The following TGFBR3 variants were observed in gnomAD, a reference collection of about 807,000 sequenced individuals.
TGFBR3 encodes transforming growth factor beta receptor 3.
TGFBR3 carries 46 observed loss-of-function variants against 87.9 expected under a neutral mutation model. That is an observed-to-expected ratio of 0.52 (90% confidence interval 0.41 to 0.67). The LOEUF (loss-of-function observed/expected upper bound fraction) is 0.67, where lower values mean the gene tolerates loss of function less well. Ranked by LOEUF, TGFBR3 falls within the 30% of genes least tolerant of loss-of-function variation. The pLI is 0.00. For synonymous variants in TGFBR3, 381 were observed against 391.6 expected (o/e 0.97, Z 0.32); for missense variants, 866 against 1,041.9 (o/e 0.83, Z 2.32).
Position 91,683,751 on chromosome 1 carries a change from G to A in TGFBR3, c.2544C>T (p.Ser848=), listed in dbSNP as rs1020245406. 4 of 1,580,274 alleles carry A rather than the reference G, an allele frequency of 2.5e-6. No individual in the cohort carries two copies. Among genetic ancestry groups the A allele is most frequent in the Non-Finnish European group, 3.4e-6 (4 of 1,167,466 alleles). The part of the protein sequence containing the change: ...GSTQSTPCSS[S]STA ...GGGCTGGGTTGGGCTAGGCCGTGCT[G>A]CTGCTGGAGCAAGGCGTGCTCTGCG... The change falls in exon 17 of 17, where the codon AGC becomes AGT. Residue 848 remains serine, a synonymous_variant. Transcript: ENST00000212355.
intron 3 of TGFBR3, 41 bp downstream of exon 3, chr1:91,797,246 G>A (rs780635492): frequency 6.2e-7 from 1 of 1,605,110 alleles, no homozygotes; most frequent in South Asian, 1.1e-5. Flanking sequence ...CATCTCTGCA[G>A]ACTCAGTGGC....
chr1:91,900,766 A>T (rs1245867772), intron 1 of TGFBR3, among the ~76,000 whole-genome samples: 1 of 152,266 alleles, frequency 6.6e-6, no homozygotes, highest in Non-Finnish European at 1.5e-5. Flanking sequence ...CTGAATCATC[A>T]TATCACTTTA....
chr1:91,773,373 TAA>T (rs1026556793), intron 3 of TGFBR3, among the ~76,000 whole-genome samples: 3 of 151,948 alleles, frequency 2.0e-5, no homozygotes, highest in Admixed American at 2.0e-4. Context: ...ATAGAGTCAG[TAA>T]AAGTCTTCAG....
At chr1:91,797,005 CA>C (rs1675411801) in intron 3 of TGFBR3, among the ~76,000 whole-genome samples, 2 of 152,198 alleles carry the variant, frequency 1.3e-5, no homozygotes, top group South Asian at 4.1e-4. Context: ...GCTGAGATTA[CA>C]GGTGTGCACC....
At position 91,729,944 on chromosome 1, in the gene TGFBR3, C is replaced by T. The variant is rs559817863; in HGVS notation, c.598G>A (p.Gly200Arg). Reference protein sequence around the residue: ...DQVFPPKCNIGKNFLSLNYLA... With the variant: ...DQVFPPKCNIRKNFLSLNYLA... ...TAATTGAGTGAGAGAAAATTCTTCCCTATGTTGCACTTTGGAGGGAACACT... is the reference window on the plus strand; with the variant it reads ...TAATTGAGTGAGAGAAAATTCTTCCTTATGTTGCACTTTGGAGGGAACACT... Residue 200 changes from glycine (G) to arginine (R), a missense_variant, in exon 6 of 17, where the codon GGG (glycine) becomes AGG (arginine). Coordinates refer to ENST00000212355, the MANE Select transcript of TGFBR3 (RefSeq NM_003243.5). 1.9e-6 allele frequency: 3 copies of T among 1,614,132 alleles called. No homozygotes were observed. The highest frequency in any genetic ancestry group is 4.5e-5 in the East Asian group (2 of 44,864).
At chr1:91,717,702 C>CAA (rs55857175) in intron 10 of TGFBR3, among the ~76,000 whole-genome samples, 3 of 139,784 alleles carry the variant, frequency 2.1e-5, no homozygotes, top group Non-Finnish European at 4.7e-5. Flanking sequence ...AAAAAAAAAA[C>CAA]AAACTGCCTT....
chr1:91,684,727 C>T (rs1047761946), intron 16 of TGFBR3, among the ~76,000 whole-genome samples: 58 of 152,176 alleles, frequency 3.8e-4, no homozygotes, highest in Non-Finnish European at 5.3e-4. Flanking sequence ...TCGGCAAAAC[C>T]GGCCTCAGTG....
At chr1:91,834,112 T>C (rs567548260) in intron 2 of TGFBR3, among the ~76,000 whole-genome samples, 1 of 152,358 alleles carries the variant, frequency 6.6e-6, no homozygotes, top group South Asian at 2.1e-4. Flanking sequence ...AATGTTTTCA[T>C]GGTTTTTTAA....
intron 4 of TGFBR3, among the ~76,000 whole-genome samples, chr1:91,745,200 T>C (rs749801360): frequency 2.6e-5 from 4 of 152,094 alleles, no homozygotes; most frequent in African/African-American, 9.7e-5. Context: ...ACAATGAAAA[T>C]AGACTCCTCC....
Position 91,727,813 on chromosome 1 carries a change from A to G in TGFBR3, c.738-7T>C. On this transcript the variant is annotated splice_region_variant and splice_polypyrimidine_tract_variant and intron_variant, in intron 6 of 16. Transcript: ENST00000212355. ...TATATCCACCTGGAAAGCACTGTGA[A>G]TGGAAGACAAAGGCAAAGTTAAGAC... The G allele has an allele frequency of 6.2e-7, 1 of 1,613,678 alleles. No individual in the cohort carries two copies. The highest frequency in any genetic ancestry group is 1.3e-5 in the African/African-American group (1 of 75,044).
intron 2 of TGFBR3, chr1:91,830,190 C>A (rs767112548): frequency 5.9e-5 from 9 of 152,232 alleles, no homozygotes; most frequent in Non-Finnish European, 1.3e-4. Flanking sequence ...CCAAAAACTG[C>A]CAATACTAGT....
chr1:91,792,411 C>T (rs1299483087), intron 3 of TGFBR3, among the ~76,000 whole-genome samples: 2 of 152,194 alleles, frequency 1.3e-5, no homozygotes, highest in Admixed American at 6.5e-5. Flanking sequence ...CAGGCACTGG[C>T]ACGCCCATTG....
intron 9 of TGFBR3, 120 bp from the exon 10 acceptor site, chr1:91,719,584 C>G: frequency 3.9e-6 from 5 of 1,277,910 alleles, no homozygotes; most frequent in Non-Finnish European, 5.7e-6. Flanking sequence ...TGCATCGTGC[C>G]CCTTCCCCAA....
chr1:91,771,276 A>G (rs1006887412), intron 3 of TGFBR3, among the ~76,000 whole-genome samples: 1 of 152,180 alleles, frequency 6.6e-6, no homozygotes, highest in Non-Finnish European at 1.5e-5. Context: ...AATCCTTCCC[A>G]AAGTGTGGAG....
chr1:91,842,111 G>A lies in TGFBR3; in HGVS notation c.61+19360C>T, dbSNP rs536961920. ...AGCAAGACTCTGCCAAAAAAAAAAAGAAAGAAAGAAAGAAAAGAAAAAAGA... is the reference window on the plus strand; with the variant it reads ...AGCAAGACTCTGCCAAAAAAAAAAAAAAAGAAAGAAAGAAAAGAAAAAAGA... On this transcript the variant is annotated intron_variant, in intron 2 of 16. Transcript: ENST00000212355. Among the ~76,000 whole-genome samples, 1,046 of 149,372 alleles carry A rather than the reference G, an allele frequency of 7.0e-3. 3 individuals are homozygous for A. Among genetic ancestry groups the A allele is most frequent in the Non-Finnish European group, 0.011 (770 of 67,360 alleles).
At chr1:91,816,840 T>A (rs1676246765) in intron 2 of TGFBR3, among the ~76,000 whole-genome samples, 2 of 152,234 alleles carry the variant, frequency 1.3e-5, no homozygotes, top group South Asian at 4.1e-4. Flanking sequence ...CTTACTTTTT[T>A]TCCCCCAAAT....
intron 1 of TGFBR3, among the ~76,000 whole-genome samples, chr1:91,885,041 A>G (rs1446738608): frequency 3.3e-5 from 5 of 152,260 alleles, no homozygotes; most frequent in African/African-American, 1.2e-4. Flanking sequence ...GCACTGTTGT[A>G]GCACCTCACA....
At chr1:91,781,044 C>T (rs1246415615) in intron 3 of TGFBR3, among the ~76,000 whole-genome samples, 1 of 152,130 alleles carries the variant, frequency 6.6e-6, no homozygotes, top group Non-Finnish European at 1.5e-5. Flanking sequence ...GGAGGAATGC[C>T]TTGCTGCCAT....
chr1:91,771,705 C>CAG lies in TGFBR3; in HGVS notation c.247-12956_247-12955insCT, dbSNP rs1553165938. 4.4e-3 allele frequency among the ~76,000 whole-genome samples: 368 copies of CAG among 83,144 alleles called. 4 individuals are homozygous for CAG. Among genetic ancestry groups the CAG allele is most frequent in the African/African-American group, 0.015 (348 of 23,222 alleles). 54.5% of individuals were successfully genotyped at this position (83,144 alleles called of 152,430 possible). ...TGGGTGACAGAGCAAGACTCTGTCT[C>CAG]AAAAAAAAAAAAAAAAAAGGTAAAT... is the stretch of plus-strand genomic sequence containing the variant. On this transcript the variant is annotated intron_variant, in intron 3 of 16. Coordinates refer to ENST00000212355, the MANE Select transcript of TGFBR3 (RefSeq NM_003243.5).
Sources: gnomAD v4.1 joint callset for allele counts (sites outside exome capture counted in the v4.1 genomes callset) on GRCh38, gnomAD v4.1.1 for gene constraint, MANE v1.5 for transcripts, NCBI Gene and HGNC (gene_info 2026-07-23, HGNC 2026-07-21) for gene names.